Variants in SOX6 observed in about 807,000 individuals in gnomAD.
SOX6 encodes the protein SRY-box transcription factor 6, also known as transcription factor SOX-6.
SOX6 carries 11 observed loss-of-function variants against 97.8 expected under a neutral mutation model. The observed-to-expected ratio is 0.11, with a 90% CI of 0.07 to 0.19. The LOEUF (loss-of-function observed/expected upper bound fraction) is 0.19. SOX6 is among the 10% of genes least tolerant of loss of function. The probability of loss-of-function intolerance (pLI) is 1.00; values close to 1 mark genes in which losing one functional copy is unlikely to be tolerated. For missense variants in SOX6, 810 were observed against 1,039.5 expected (o/e 0.78, Z 3.04); for synonymous variants, 360 against 371.4 (o/e 0.97, Z 0.35).
intron 6 of SOX6, among the ~76,000 whole-genome samples, chr11:16,122,430 A>G (rs1304025632): frequency 1.3e-5 from 2 of 152,056 alleles, no homozygotes; most frequent in African/African-American, 4.8e-5. Context: ...GTGTTTTGCC[A>G]AGATAAAAAT....
intron 3 of SOX6, among the ~76,000 whole-genome samples, chr11:16,669,060 A>G (rs545349955): frequency 1.5e-4 from 23 of 152,354 alleles, no homozygotes; most frequent in African/African-American, 5.3e-4. Context: ...ATATTTACAG[A>G]ATATTTCATC....
At chr11:16,562,689 T>C (rs1434927259) in intron 4 of SOX6, among the ~76,000 whole-genome samples, 1 of 152,118 alleles carries the variant, frequency 6.6e-6, no homozygotes, top group Non-Finnish European at 1.5e-5. Flanking sequence ...TCCCCATACC[T>C]GCACCTGTCC....
chr11:16,298,371 A>G lies in SOX6; in HGVS notation c.445+20075T>C, dbSNP rs537259946. Among the ~76,000 whole-genome samples, 228 of 152,270 alleles carry G rather than the reference A, an allele frequency of 1.5e-3. 3 individuals carry two copies. Among genetic ancestry groups the G allele is most frequent in the Middle Eastern group, 6.8e-3 (2 of 292 alleles). On this transcript the variant is annotated intron_variant, in intron 3 of 15. Transcript: ENST00000683767. ...ATACTTAAAGACATAAATGTCTAAAATGTAAGGAATTTTTCAATACAAACT... is the reference window on the plus strand; with the variant it reads ...ATACTTAAAGACATAAATGTCTAAAGTGTAAGGAATTTTTCAATACAAACT...
intron 2 of SOX6, among the ~76,000 whole-genome samples, chr11:16,336,707 C>T (rs1261528526): frequency 1.3e-5 from 2 of 152,164 alleles, no homozygotes; most frequent in Non-Finnish European, 2.9e-5. Context: ...TTAAACACTT[C>T]CCTGTAGCCT....
intron 6 of SOX6, among the ~76,000 whole-genome samples, chr11:16,113,156 C>CA (rs1249756241): frequency 6.6e-6 from 1 of 152,142 alleles, no homozygotes; most frequent in African/African-American, 2.4e-5. Context: ...GGACACAGTG[C>CA]AAAAAATGCT....
At position 16,279,374 on chromosome 11, in the gene SOX6, T is replaced by C. The variant is rs538397678; in HGVS notation, c.445+39072A>G. On this transcript the variant is annotated intron_variant, in intron 3 of 15. Coordinates refer to ENST00000683767, the MANE Select transcript of SOX6 (RefSeq NM_001367873.1). Reference sequence around the variant, plus strand: ...ATCATATGACAAATTTTGAGAAATATAGGGTAAATCAATAATTCTCTTCCT... The same window carrying C: ...ATCATATGACAAATTTTGAGAAATACAGGGTAAATCAATAATTCTCTTCCT... Among the ~76,000 whole-genome samples the C allele has an allele frequency of 1.9e-4, 29 of 152,188 alleles. 1 individual carries two copies. The South Asian group carries it at 5.8e-3, about 30-fold the overall frequency.
rs148619713 is a variant in SOX6 at position 16,112,505 on chromosome 11, G to A, written c.778-582C>T. Among the ~76,000 whole-genome samples the A allele has an allele frequency of 3.6e-4, 55 of 152,160 alleles. No homozygotes were observed. In the East Asian group the frequency reaches 9.1e-3, roughly 25 times the overall value. On this transcript the variant is annotated intron_variant, in intron 6 of 15. Coordinates refer to ENST00000683767, the MANE Select transcript of SOX6 (RefSeq NM_001367873.1). ...TAATACTCTTTGCCATACACACCTCGATGTAACATATAAATTGCTTGTCTG... is the reference window on the plus strand; with the variant it reads ...TAATACTCTTTGCCATACACACCTCAATGTAACATATAAATTGCTTGTCTG...
At chr11:16,514,921 C>T (rs1378049140) in intron 4 of SOX6, among the ~76,000 whole-genome samples, 1 of 151,640 alleles carries the variant, frequency 6.6e-6, no homozygotes, top group Non-Finnish European at 1.5e-5. Flanking sequence ...GTATATGCGC[C>T]ACATTTTCTT....
intron 3 of SOX6, among the ~76,000 whole-genome samples, chr11:16,264,010 T>C (rs1199510858): frequency 6.6e-6 from 1 of 151,984 alleles, no homozygotes. Flanking sequence ...GGTTATATCA[T>C]CTGAAATACA....
chr11:16,553,947 A>T (rs1847719582), intron 4 of SOX6, among the ~76,000 whole-genome samples: 1 of 152,166 alleles, frequency 6.6e-6, no homozygotes, highest in Admixed American at 6.6e-5. Context: ...CATATATGTT[A>T]CAGAGTATTT....
intron 6 of SOX6, among the ~76,000 whole-genome samples, chr11:16,147,151 C>T (rs977013380): frequency 3.3e-5 from 5 of 152,082 alleles, no homozygotes; most frequent in African/African-American, 1.2e-4. Context: ...GGCACATATA[C>T]AGCATGGAAT....
Position 16,610,992 on chromosome 11 carries a change from C to T in SOX6, n.609+1089G>A, listed in dbSNP as rs927140389. Among the ~76,000 whole-genome samples the T allele has an allele frequency of 5.3e-5, 8 of 152,202 alleles. No individual in the cohort carries two copies. Among genetic ancestry groups the T allele is most frequent in the East Asian group, 1.9e-4 (1 of 5,182 alleles). On this transcript the variant is annotated intron_variant and non_coding_transcript_variant, in intron 4 of 5. Coordinates refer to the SOX6 transcript ENST00000524520. This position sits in a 1 kb window ranked among gnomAD's most constrained non-coding sequence, Gnocchi z 4.4. ...CGCAAGAACCCCGGGCGCTGAGCTC[C>T]GGGGAACCTGGGAGGGAAGGAGGGG...
In SOX6 at chr11:16,715,925, A is replaced by G. The variant is rs529144350; in HGVS notation, n.354-1020T>C. ...GTTCTAGTCTCCAAAGAATAGTACT[A>G]TAATATTTTTTTAAATAAGCATTAG... On this transcript the variant is annotated intron_variant and non_coding_transcript_variant, in intron 2 of 5. Transcript: ENST00000524520. 9.8e-5 allele frequency among the ~76,000 whole-genome samples: 15 copies of G among 152,320 alleles called. No individual in the cohort carries two copies. In the South Asian group the frequency reaches 3.1e-3, roughly 32 times the overall value.
intron 9 of SOX6, among the ~76,000 whole-genome samples, chr11:16,084,011 T>C (rs1362917294): frequency 6.6e-6 from 1 of 152,132 alleles, no homozygotes; most frequent in Non-Finnish European, 1.5e-5. Flanking sequence ...AACATGACAT[T>C]TGTTTCATGA....
intron 2 of SOX6, among the ~76,000 whole-genome samples, chr11:16,330,491 A>ATTCTG (rs1856256194): frequency 6.6e-6 from 1 of 152,158 alleles, no homozygotes; most frequent in South Asian, 2.1e-4. Context: ...CAGAAGGCGG[A>ATTCTG]GGTTCCAGTG....
At chr11:16,186,584 C>G (rs539945360) in intron 5 of SOX6, among the ~76,000 whole-genome samples, 199 bp downstream of exon 5, 12 of 152,020 alleles carry the variant, frequency 7.9e-5, no homozygotes, top group Non-Finnish European at 1.6e-4. Context: ...TGCTATGATG[C>G]CTTTTTTGTA....
At chr11:16,664,191 T>A (rs1847787481) in intron 3 of SOX6, among the ~76,000 whole-genome samples, 1 of 152,156 alleles carries the variant, frequency 6.6e-6, no homozygotes, top group South Asian at 2.1e-4. Flanking sequence ...ATTGAACAAC[T>A]ATCCACATGC....
intron 6 of SOX6, among the ~76,000 whole-genome samples, chr11:16,147,746 A>G (rs757216521): frequency 6.6e-6 from 1 of 152,160 alleles, no homozygotes; most frequent in African/African-American, 2.4e-5. Flanking sequence ...AATAAAAATA[A>G]CTTTGTTTAC....
At chr11:16,314,415 A>G (rs886117618) in intron 3 of SOX6, 9 of 152,170 alleles carry the variant, frequency 5.9e-5, no homozygotes, top group African/African-American at 2.2e-4. Context: ...GTAAATTCCC[A>G]TAATATTTTA....
Sources: gnomAD v4.1 joint callset for allele counts (sites outside exome capture counted in the v4.1 genomes callset) on GRCh38, gnomAD v4.1.1 for gene constraint, Gnocchi (gnomAD v3.1) non-coding constraint, MANE v1.5 for transcripts, NCBI Gene and HGNC (gene_info 2026-07-23, HGNC 2026-07-21) for gene names.